Variants in GLIS3 observed in about 807,000 individuals in gnomAD.
GLIS3 encodes the protein GLIS family zinc finger 3.
In GLIS3, 53 loss-of-function variants were observed where a neutral mutation model predicts 78.6. The observed-to-expected ratio is 0.67, with a 90% CI of 0.54 to 0.85. GLIS3 has a LOEUF of 0.85. GLIS3 is among the 40% of genes least tolerant of loss of function. The pLI, the probability that GLIS3 is intolerant of heterozygous loss-of-function variation, is 0.00. For missense variants in GLIS3, 1,703 were observed against 1,231.1 expected (o/e 1.38, Z -5.74); for synonymous variants, 684 against 509.9 (o/e 1.34, Z -4.60).
At chr9:3,849,522 A>T (rs1246400750) in intron 9 of GLIS3, among the ~76,000 whole-genome samples, 1 of 152,190 alleles carries the variant, frequency 6.6e-6, no homozygotes. Context: ...ACCTGTTAAC[A>T]ATGACAAAGC....
In GLIS3 at chr9:4,168,197, G is replaced by GCA. The variant is rs140128203; in HGVS notation, c.389-42258_389-42257dup. 4.4e-4 allele frequency among the ~76,000 whole-genome samples: 67 copies of GCA among 150,574 alleles called. 1 individual carries two copies. The highest frequency in any genetic ancestry group is 1.0e-3 in the African/African-American group (42 of 41,048). Reference sequence around the variant, plus strand: ...CTCTCTTACACACACACACACAGACGCACACACACACACATACATACACTT... The same window carrying GCA: ...CTCTCTTACACACACACACACAGACGCACACACACACACACATACATACACTT... On this transcript the variant is annotated intron_variant, in intron 2 of 10. Transcript: ENST00000381971.
intron 7 of GLIS3, among the ~76,000 whole-genome samples, chr9:3,880,275 G>A (rs1190276059): frequency 6.6e-6 from 1 of 152,206 alleles, no homozygotes; most frequent in Non-Finnish European, 1.5e-5. Context: ...CAGAGAGTGA[G>A]TTACAGTCCC....
intron 4 of GLIS3, among the ~76,000 whole-genome samples, chr9:3,950,767 A>T (rs1816623466): frequency 6.6e-6 from 1 of 152,230 alleles, no homozygotes; most frequent in Non-Finnish European, 1.5e-5. Flanking sequence ...ATGTGTAGTA[A>T]GCACCCAATG....
intron 2 of GLIS3, among the ~76,000 whole-genome samples, chr9:4,277,945 C>T (rs1009064002): frequency 6.6e-6 from 1 of 152,192 alleles, no homozygotes; most frequent in Non-Finnish European, 1.5e-5. Flanking sequence ...TTGCCAACTG[C>T]ACCCTGTCCT....
chr9:4,266,696 T>A (rs909393064), intron 2 of GLIS3, among the ~76,000 whole-genome samples: 4 of 152,130 alleles, frequency 2.6e-5, no homozygotes, highest in African/African-American at 9.7e-5. Context: ...ATGATAATGA[T>A]ACATAGTTAT....
At chr9:4,178,049 A>G (rs1053385350) in intron 2 of GLIS3, among the ~76,000 whole-genome samples, 8 of 152,204 alleles carry the variant, frequency 5.3e-5, no homozygotes, top group Non-Finnish European at 7.3e-5. Context: ...GAAGCTAGCA[A>G]TTATTATATC....
intron 6 of GLIS3, among the ~76,000 whole-genome samples, chr9:3,914,520 T>G (rs1824371957): frequency 6.6e-6 from 1 of 152,130 alleles, no homozygotes; most frequent in Non-Finnish European, 1.5e-5. Context: ...TTTCACTAGA[T>G]AACACTATTC....
intron 2 of GLIS3, among the ~76,000 whole-genome samples, chr9:4,327,290 G>A (rs1817615625): frequency 6.6e-6 from 1 of 152,214 alleles, no homozygotes; most frequent in African/African-American, 2.4e-5. Context: ...ACAGATGTCA[G>A]GGTGTAGGGC....
At chr9:4,104,626 C>A (rs1221158665) in intron 4 of GLIS3, among the ~76,000 whole-genome samples, 1 of 152,124 alleles carries the variant, frequency 6.6e-6, no homozygotes, top group African/African-American at 2.4e-5. Flanking sequence ...ACAATCTAGC[C>A]CCCATTTCTC....
At chr9:4,459,590 C>T in the GLIS3 span, among the ~76,000 whole-genome samples, 1 of 152,144 alleles carries the variant, frequency 6.6e-6, no homozygotes, top group African/African-American at 2.4e-5. Context: ...ACAGTGAGAC[C>T]TCATCACTAG....
At chr9:4,084,464 G>T (rs1284987926) in intron 4 of GLIS3, among the ~76,000 whole-genome samples, 1 of 152,150 alleles carries the variant, frequency 6.6e-6, no homozygotes, top group Non-Finnish European at 1.5e-5. Context: ...TCGCGTGGTG[G>T]AGAAGAAACA....
intron 2 of GLIS3, among the ~76,000 whole-genome samples, chr9:4,330,623 T>C (rs1433640591): frequency 1.4e-5 from 2 of 146,384 alleles, no homozygotes; most frequent in African/African-American, 5.2e-5. Flanking sequence ...GAGGTGAAGG[T>C]TGGATGGAGA....
intron 2 of GLIS3, among the ~76,000 whole-genome samples, chr9:4,341,983 G>A (rs7039401): frequency 0.025 from 3,747 of 152,212 alleles, 156 homozygotes; most frequent in African/African-American, 0.082. Flanking sequence ...AGTTCCTTGT[G>A]GATTCTGGAT....
the GLIS3 span, among the ~76,000 whole-genome samples, chr9:4,394,126 A>C: frequency 2.6e-5 from 4 of 151,682 alleles, no homozygotes; most frequent in African/African-American, 9.7e-5. Context: ...ATTTATTTCT[A>C]AATTTATTTT....
At chr9:4,213,023 G>C (rs537793725) in intron 2 of GLIS3, among the ~76,000 whole-genome samples, 12 of 152,258 alleles carry the variant, frequency 7.9e-5, no homozygotes, top group African/African-American at 2.9e-4. Flanking sequence ...ACCTGGGCTG[G>C]AGAAGAGGCA....
At chr9:4,471,358 C>T in the GLIS3 span, among the ~76,000 whole-genome samples, 4 of 152,168 alleles carry the variant, frequency 2.6e-5, no homozygotes, top group African/African-American at 9.7e-5. Context: ...TCAAACTATA[C>T]TGCCAGGCTA....
At chr9:4,123,486 A>G (rs1430010712) in intron 3 of GLIS3, among the ~76,000 whole-genome samples, 2 of 152,196 alleles carry the variant, frequency 1.3e-5, no homozygotes, top group African/African-American at 4.8e-5. Context: ...CATTATTTAT[A>G]ATTTTTAAAG....
intron 2 of GLIS3, among the ~76,000 whole-genome samples, chr9:4,257,180 G>T (rs1204486963): frequency 6.6e-6 from 1 of 152,152 alleles, no homozygotes; most frequent in Admixed American, 6.5e-5. Flanking sequence ...AAGGGATACT[G>T]CCATTTATGA....
intron 1 of GLIS3, among the ~76,000 whole-genome samples, 196 bp from the exon 2 acceptor site, chr9:4,286,719 G>A (rs537739419): frequency 1.3e-5 from 2 of 152,280 alleles, no homozygotes; most frequent in African/African-American, 4.8e-5. Flanking sequence ...GGTGGACATG[G>A]ATTATGGATC....
Sources: gnomAD v4.1 joint callset for allele counts (sites outside exome capture counted in the v4.1 genomes callset) on GRCh38, gnomAD v4.1.1 for gene constraint, MANE v1.5 for transcripts, NCBI Gene and HGNC (gene_info 2026-07-23, HGNC 2026-07-21) for gene names.